CHST11: variants seen among roughly 807,000 people sequenced by gnomAD.
CHST11 encodes C4S-1.
In CHST11, 9 loss-of-function variants were observed where a neutral mutation model predicts 30.4. That is an observed-to-expected ratio of 0.30 (90% CI 0.18 to 0.52). CHST11 has a LOEUF of 0.52. CHST11 is among the 20% of genes least tolerant of loss of function. The probability of loss-of-function intolerance (pLI) is 0.97; values close to 1 mark genes in which losing one functional copy is unlikely to be tolerated. For synonymous variants in CHST11, 152 were observed against 187.8 expected, an observed-to-expected ratio of 0.81 and a Z score of 1.56; for missense variants, 348 against 460.6, an observed-to-expected ratio of 0.76 and a Z score of 2.24.
At chr12:104,571,281 A>G (rs1213164768) in intron 1 of CHST11, among the ~76,000 whole-genome samples, 1 of 150,924 alleles carries the variant, frequency 6.6e-6, no homozygotes, top group Non-Finnish European at 1.5e-5. Flanking sequence ...CTCCCACTTC[A>G]GCCTCCCAAG....
intron 2 of CHST11, among the ~76,000 whole-genome samples, chr12:104,624,676 A>C (rs2039194578): frequency 6.6e-6 from 1 of 152,188 alleles, no homozygotes; most frequent in Non-Finnish European, 1.5e-5. Flanking sequence ...GCAGGCTCTC[A>C]ATTCTAGCTA....
In CHST11 at chr12:104,723,473, C is replaced by T. The variant is rs567164101; in HGVS notation, c.205-33476C>T. Among the ~76,000 whole-genome samples, 33 of 152,272 alleles carry T rather than the reference C, an allele frequency of 2.2e-4. 1 individual carries two copies. In the South Asian group the frequency reaches 6.6e-3, roughly 31 times the overall value. ...GCAGTGAAGTGAGAATTTGCGCTCC[C>T]CTTTCCCGACACTCACTCCGATAAA... On this transcript the variant is annotated intron_variant, in intron 2 of 2. Coordinates refer to ENST00000303694, the MANE Select transcript of CHST11 (RefSeq NM_018413.6).
chr12:104,661,052 A>T (rs577070494), intron 2 of CHST11, among the ~76,000 whole-genome samples: 1 of 152,270 alleles, frequency 6.6e-6, no homozygotes, highest in East Asian at 1.9e-4. Context: ...GGGAAGGGTG[A>T]TGTAGCTGAA....
rs979015934 is a variant in CHST11 at position 104,458,011 on chromosome 12, C to A, written c.118+482C>A. Among the ~76,000 whole-genome samples, 1 of 151,738 alleles carries A rather than the reference C, an allele frequency of 6.6e-6. No homozygotes were observed. Among genetic ancestry groups the A allele is most frequent in the Non-Finnish European group, 1.5e-5 (1 of 67,866 alleles). ...AGCCGCCTCTTCCTGGTTGCCGGGC[C>A]GGGGGCGAAGGGTGTACGCCCCGGC... is the stretch of plus-strand genomic sequence containing the variant. On this transcript the variant is annotated intron_variant, in intron 1 of 2. Coordinates refer to ENST00000303694, the MANE Select transcript of CHST11 (RefSeq NM_018413.6). This position sits in a 1 kb window ranked among gnomAD's most constrained non-coding sequence, Gnocchi z 5.7.
chr12:104,571,925 G>T (rs190098681), intron 1 of CHST11, among the ~76,000 whole-genome samples: 7 of 152,212 alleles, frequency 4.6e-5, no homozygotes, highest in East Asian at 1.9e-4. Context: ...TAGCATGAAG[G>T]GTTGTTGAAT....
intron 1 of CHST11, among the ~76,000 whole-genome samples, chr12:104,476,142 AT>A (rs1188541568): frequency 7.1e-6 from 1 of 140,274 alleles, no homozygotes; most frequent in African/African-American, 2.6e-5. Context: ...TATATTATAT[AT>A]TATAATAAAT....
intron 1 of CHST11, among the ~76,000 whole-genome samples, chr12:104,535,350 C>T (rs564116773): frequency 3.9e-5 from 6 of 152,298 alleles, no homozygotes; most frequent in East Asian, 3.9e-4. Context: ...GACCTTTCAG[C>T]GGAGTGTCTG....
At chr12:104,596,535 G>A (rs973049187) in intron 1 of CHST11, among the ~76,000 whole-genome samples, 6 of 152,068 alleles carry the variant, frequency 3.9e-5, no homozygotes, top group Admixed American at 2.0e-4. Context: ...ACGGTGAAGA[G>A]CACCAGTGCT....
intron 1 of CHST11, among the ~76,000 whole-genome samples, chr12:104,558,338 A>G (rs764762737): frequency 7.2e-5 from 11 of 151,778 alleles, no homozygotes; most frequent in Non-Finnish European, 1.5e-4. Context: ...CCTTCTCTGT[A>G]CCTGTCTTTA....
At chr12:104,740,830 G>T (rs904680573) in intron 2 of CHST11, among the ~76,000 whole-genome samples, 4 of 152,192 alleles carry the variant, frequency 2.6e-5, no homozygotes, top group African/African-American at 7.2e-5. Context: ...CTAAGAAGCC[G>T]CAGAGATGTC....
intron 1 of CHST11, among the ~76,000 whole-genome samples, chr12:104,479,977 G>C (rs7314130): frequency 0.013 from 1,937 of 152,298 alleles, 45 homozygotes; most frequent in African/African-American, 0.045. Flanking sequence ...TTATGTCTGT[G>C]GGGGAGGCTG....
intron 2 of CHST11, among the ~76,000 whole-genome samples, chr12:104,668,112 G>T (rs1010643371): frequency 2.0e-5 from 3 of 152,004 alleles, no homozygotes; most frequent in Non-Finnish European, 4.4e-5. Flanking sequence ...CTGGCTGTGT[G>T]ACCTTGAGCT....
intron 1 of CHST11, among the ~76,000 whole-genome samples, chr12:104,522,660 C>T (rs1028695405): frequency 3.3e-5 from 5 of 151,780 alleles, no homozygotes; most frequent in East Asian, 1.9e-4. Flanking sequence ...GTAGACGTGG[C>T]GGGTGGAGGG....
chr12:104,560,506 A>T (rs1160886110), intron 1 of CHST11, among the ~76,000 whole-genome samples: 3 of 152,200 alleles, frequency 2.0e-5, no homozygotes, highest in Non-Finnish European at 4.4e-5. Flanking sequence ...AGCACCGGGA[A>T]GCATCTTGAG....
At chr12:104,476,276 A>T (rs1338715363) in intron 1 of CHST11, among the ~76,000 whole-genome samples, 1 of 150,084 alleles carries the variant, frequency 6.7e-6, no homozygotes, top group African/African-American at 2.4e-5. Flanking sequence ...ATATGTACAC[A>T]TGTAGTATAT....
Position 104,606,181 on chromosome 12 carries a change from G to GT in CHST11, c.204+4190_204+4191insT, listed in dbSNP as rs1306687905. ...AACTCTCTGGGGCGGGGGGCGGGGG[G>GT]GGGAATGGCTCCAGGAAAACTGAGA... On this transcript the variant is annotated intron_variant, in intron 2 of 2. Transcript: ENST00000303694. 3.0e-5 allele frequency among the ~76,000 whole-genome samples: 4 copies of GT among 134,324 alleles called. No individual in the cohort carries two copies. In the Admixed American group the frequency reaches 3.0e-4, roughly 10 times the overall value. The allele number at this position is 134,324 out of a possible 152,430, so 88.1% of individuals were successfully genotyped here. A position where few individuals can be genotyped will look rare whatever the true frequency, so the allele number is the denominator to read the frequency against.
intron 1 of CHST11, among the ~76,000 whole-genome samples, chr12:104,541,124 T>TCACA (rs1393829978): frequency 1.6e-5 from 2 of 128,758 alleles, no homozygotes; most frequent in Non-Finnish European, 3.3e-5. Context: ...CCTCTCTCTC[T>TCACA]CTCTCTCACA....
At chr12:104,613,617 G>C (rs1048482176) in intron 2 of CHST11, among the ~76,000 whole-genome samples, 3 of 152,162 alleles carry the variant, frequency 2.0e-5, no homozygotes, top group African/African-American at 7.2e-5. Flanking sequence ...AGATGTGCCT[G>C]CTTCCCCTTC....
intron 2 of CHST11, among the ~76,000 whole-genome samples, chr12:104,722,282 T>G (rs1180680849): frequency 6.6e-6 from 1 of 151,960 alleles, no homozygotes; most frequent in Non-Finnish European, 1.5e-5. Context: ...GAATTACAGA[T>G]GCGAGCCACT....
Sources: gnomAD v4.1 joint callset for allele counts (sites outside exome capture counted in the v4.1 genomes callset) on GRCh38, gnomAD v4.1.1 for gene constraint, Gnocchi (gnomAD v3.1) non-coding constraint, MANE v1.5 for transcripts, NCBI Gene and HGNC (gene_info 2026-07-23, HGNC 2026-07-21) for gene names.